CSTF1: variants seen among roughly 807,000 people sequenced by gnomAD.
CSTF1 encodes the protein CF-1 50 kDa subunit.
In CSTF1, 2 loss-of-function variants were observed where a neutral mutation model predicts 40.9. That is an observed-to-expected ratio of 0.05 (90% CI 0.02 to 0.15). CSTF1 has a LOEUF of 0.15. CSTF1 is among the 10% of genes least tolerant of loss of function. The pLI is 1.00. For missense variants in CSTF1, 279 were observed against 558.9 expected (o/e 0.50, Z 5.05); for synonymous variants, 218 against 207.2 (o/e 1.05, Z -0.45).
rs994034407 is a variant in CSTF1, at chr20:56,399,883, A to T, written c.1036+526A>T. On this transcript the variant is annotated intron_variant, in intron 5 of 5. Coordinates refer to ENST00000217109, the MANE Select transcript of CSTF1 (RefSeq NM_001324.3). This position sits in a 1 kb window ranked among gnomAD's most constrained non-coding sequence, Gnocchi z 4.6. ...GCATCCACTGAATTCTCATTTATGT[A>T]TGTTGGTCTCATTGGTAACAGTAGT... 6.6e-6 allele frequency among the ~76,000 whole-genome samples: 1 copy of T among 152,214 alleles called. No homozygotes were observed.
rs573328904 is a variant in CSTF1 at position 56,404,282 on chromosome 20, T to C, written c.*555T>C. The C allele has an allele frequency of 6.6e-6, 1 of 152,534 alleles. No individual in the cohort carries two copies. Among genetic ancestry groups the C allele is most frequent in the Non-Finnish European group, 1.5e-5 (1 of 68,196 alleles). The allele number at this position is 152,534 out of a possible 1,614,324, so 9.4% of individuals were successfully genotyped here. ...TTTATTGTTATATATTTTTCACTTC[T>C]GTAAAATTAATGGCCAGTTTTTCCT... On this transcript the variant is annotated 3_prime_UTR_variant, in exon 6 of 6. Transcript: ENST00000217109.
intron 5 of CSTF1, 52 bp from the exon 6 acceptor site, chr20:56,403,416 G>C: frequency 1.2e-6 from 2 of 1,602,972 alleles, no homozygotes; most frequent in South Asian, 1.1e-5. Flanking sequence ...AGAACGTTCT[G>C]AGGGTCTAAG....
chr20:56,397,522 GT>G lies in CSTF1; in HGVS notation c.447+43del. Reference sequence around the variant, plus strand: ...GTCACATACTTATTGATTGCCTTCTGTTTTTCATTTTTGGAAAAATGAGAGT... The same window carrying G: ...GTCACATACTTATTGATTGCCTTCTGTTTTCATTTTTGGAAAAATGAGAGT... On this transcript the variant is annotated intron_variant, in intron 3 of 5. Transcript: ENST00000217109. This position sits in a 1 kb window ranked among gnomAD's most constrained non-coding sequence, Gnocchi z 4.4. 6.2e-7 allele frequency: 1 copy of G among 1,604,696 alleles called. No individual in the cohort carries two copies. The highest frequency in any genetic ancestry group is 8.5e-7 in the Non-Finnish European group (1 of 1,174,498).
rs117909956 is a variant in CSTF1, at chr20:56,399,829, A to G, written c.1036+472A>G. ...CCACGTTAATTCTGAATGCAGATATAAAGTAGGCTCAGCAGACAGAAAAAA... is the reference window on the plus strand; with the variant it reads ...CCACGTTAATTCTGAATGCAGATATGAAGTAGGCTCAGCAGACAGAAAAAA... On this transcript the variant is annotated intron_variant, in intron 5 of 5. Coordinates refer to ENST00000217109, the MANE Select transcript of CSTF1 (RefSeq NM_001324.3). The surrounding 1 kb of genome is among the most constrained non-coding windows in gnomAD (Gnocchi z 4.6). Among the ~76,000 whole-genome samples, 23 of 152,364 alleles carry G rather than the reference A, an allele frequency of 1.5e-4. No individual in the cohort carries two copies. Among genetic ancestry groups the G allele is most frequent in the Middle Eastern group, 3.4e-3 (1 of 294 alleles).
In CSTF1 at chr20:56,399,415, C is replaced by T; in HGVS notation, c.1036+58C>T. 2 of 1,454,434 alleles carry T rather than the reference C, an allele frequency of 1.4e-6. No homozygotes were observed. The highest frequency in any genetic ancestry group is 1.3e-5 in the South Asian group (1 of 79,132). 90.1% of individuals were successfully genotyped at this position (1,454,434 alleles called of 1,614,324 possible). A position where few individuals can be genotyped will look rare whatever the true frequency, so the allele number is the denominator to read the frequency against. On this transcript the variant is annotated intron_variant, in intron 5 of 5. Coordinates refer to ENST00000217109, the MANE Select transcript of CSTF1 (RefSeq NM_001324.3). The surrounding 1 kb of genome is among the most constrained non-coding windows in gnomAD (Gnocchi z 4.6). Reference sequence around the variant, plus strand: ...TGTAGTGTTTACACTTTCCAGAACTCTCTTTTAAGACCTCACAATAGAGCA... The same window carrying T: ...TGTAGTGTTTACACTTTCCAGAACTTTCTTTTAAGACCTCACAATAGAGCA...
rs759346072 is a variant in CSTF1, at chr20:56,397,607, C to T, written c.448-37C>T. 3 of 1,605,964 alleles carry T rather than the reference C, an allele frequency of 1.9e-6. No homozygotes were observed. The highest frequency in any genetic ancestry group is 8.5e-7 in the Non-Finnish European group (1 of 1,172,738). The stretch of plus-strand genomic sequence containing the variant: ...TGGATTGTGCACTTGGATTCAGACA[C>T]ATTCTGTGCCTTGAGCATCTCTTCT... On this transcript the variant is annotated intron_variant, in intron 3 of 5. Transcript: ENST00000217109. The surrounding 1 kb of genome is among the most constrained non-coding windows in gnomAD (Gnocchi z 4.4).
At chr20:56,398,277 A>G (rs1390287799) in intron 4 of CSTF1, among the ~76,000 whole-genome samples, 1 of 152,220 alleles carries the variant, frequency 6.6e-6, no homozygotes, top group African/African-American at 2.4e-5. Context: ...TCTGTTTGAT[A>G]ATTAAACTAG....
intron 5 of CSTF1, 134 bp from the exon 6 acceptor site, chr20:56,403,334 T>C: frequency 9.2e-7 from 1 of 1,088,582 alleles, no homozygotes; most frequent in Non-Finnish European, 1.3e-6. Flanking sequence ...TTTTTTGTAC[T>C]TTTTTAGAGT....
At chr20:56,398,524 C>T (rs1235273721) in intron 4 of CSTF1, among the ~76,000 whole-genome samples, 2 of 152,200 alleles carry the variant, frequency 1.3e-5, no homozygotes, top group African/African-American at 4.8e-5. Flanking sequence ...TGAGCTGTGA[C>T]CATGCCGCTG....
Position 56,397,824 on chromosome 20 carries a change from G to T in CSTF1, c.628G>T (p.Ala210Ser). ...TTATTCCAAACCATCAGCAAAAAGA[G>T]CCTTCAAATACATTCAGGTAGGAAT... is the stretch of plus-strand genomic sequence containing the variant. ...FDYSKPSAKR[A>S]FKYIQEAEML... The change falls in exon 4 of 6, where the codon GCC becomes TCC. Residue 210 changes from alanine to serine, a missense_variant. Ala to Ser is a moderately conservative substitution (Grantham distance 99). This residue lies in a region of CSTF1 where 162 missense variants were observed against 337.1 expected (regional missense o/e 0.48). Transcript: ENST00000217109. This position sits in a 1 kb window ranked among gnomAD's most constrained non-coding sequence, Gnocchi z 4.4. 6.2e-7 allele frequency: 1 copy of T among 1,612,604 alleles called. No individual in the cohort carries two copies. Among genetic ancestry groups the T allele is most frequent in the Non-Finnish European group, 8.5e-7 (1 of 1,178,774 alleles).
rs1978582408 is a variant in CSTF1 at position 56,403,795 on chromosome 20, A to C, written c.*68A>C. 6.6e-7 allele frequency: 1 copy of C among 1,504,528 alleles called. No individual in the cohort carries two copies. The highest frequency in any genetic ancestry group is 1.2e-5 in the South Asian group (1 of 80,804). 93.2% of individuals were successfully genotyped at this position (1,504,528 alleles called of 1,614,324 possible). ...CTCCCCCACGTCCTGTCTCAGCTGC[A>C]GTCGTAAGTCCGTGCACCATCCTTG... On this transcript the variant is annotated 3_prime_UTR_variant, in exon 6 of 6. Coordinates refer to ENST00000217109, the MANE Select transcript of CSTF1 (RefSeq NM_001324.3).
At position 56,397,823 on chromosome 20, in the gene CSTF1, A is replaced by G; in HGVS notation, c.627A>G (p.Arg209=). ...LFDYSKPSAK[R]AFKYIQEAEM... Reference sequence around the variant, plus strand: ...ATTATTCCAAACCATCAGCAAAAAGAGCCTTCAAATACATTCAGGTAGGAA... The same window carrying G: ...ATTATTCCAAACCATCAGCAAAAAGGGCCTTCAAATACATTCAGGTAGGAA... Residue 209 remains arginine (R), a synonymous_variant, in exon 4 of 6, where the codon AGA becomes AGG. Coordinates refer to ENST00000217109, the MANE Select transcript of CSTF1 (RefSeq NM_001324.3). This position sits in a 1 kb window ranked among gnomAD's most constrained non-coding sequence, Gnocchi z 4.4. The G allele has an allele frequency of 6.2e-7, 1 of 1,613,128 alleles. No homozygotes were observed. Among genetic ancestry groups the G allele is most frequent in the Non-Finnish European group, 8.5e-7 (1 of 1,179,144 alleles).
chr20:56,399,315 C>G lies in CSTF1; in HGVS notation c.994C>G (p.Leu332Val), dbSNP rs747867658. Residue 332 changes from leucine (L) to valine (V), a missense_variant, in exon 5 of 6, where the codon CTT (leucine) becomes GTT (valine). By Grantham distance (32) the Leu-to-Val change is conservative. Transcript: ENST00000217109. The surrounding 1 kb of genome is among the most constrained non-coding windows in gnomAD (Gnocchi z 4.6). ...AAGTGGAAAAGACTCTGTAGCTAAA[C>G]TTTGGGAAATATCAACGGGACGAAC... ...LSSGKDSVAK[L>V]WEISTGRTLV... 6.2e-7 allele frequency: 1 copy of G among 1,613,752 alleles called. No homozygotes were observed. Among genetic ancestry groups the G allele is most frequent in the South Asian group, 1.1e-5 (1 of 91,084 alleles).
intron 5 of CSTF1, among the ~76,000 whole-genome samples, chr20:56,403,077 T>G (rs1345906417): frequency 6.6e-6 from 1 of 152,140 alleles, no homozygotes; most frequent in African/African-American, 2.4e-5. Context: ...AAAAATATAG[T>G]GGCAACAATT....
intron 5 of CSTF1, among the ~76,000 whole-genome samples, chr20:56,401,743 A>G (rs1000827368): frequency 9.2e-5 from 14 of 152,212 alleles, no homozygotes; most frequent in Non-Finnish European, 1.8e-4. Flanking sequence ...ACATGGGCTG[A>G]GCACTCGCAC....
chr20:56,397,776 G>C lies in CSTF1; in HGVS notation c.580G>C (p.Asp194His). Residue 194 changes from aspartate to histidine, a missense_variant, in exon 4 of 6, where the codon GAT becomes CAT. Transcript: ENST00000217109. This position sits in a 1 kb window ranked among gnomAD's most constrained non-coding sequence, Gnocchi z 4.4. ...ACAGATCCTGGCTTCTGGTTCAAGG[G>C]ATTATACTCTTAAATTATTTGATTA... ...TEQILASGSR[D>H]YTLKLFDYSK... is the part of the protein sequence containing the mutation. 1 of 1,614,110 alleles carries C rather than the reference G, an allele frequency of 6.2e-7. No individual in the cohort carries two copies. The highest frequency in any genetic ancestry group is 1.1e-5 in the South Asian group (1 of 91,088).
chr20:56,399,607 A>G lies in CSTF1; in HGVS notation c.1036+250A>G, dbSNP rs1978367431. Among the ~76,000 whole-genome samples the G allele has an allele frequency of 6.6e-6, 1 of 152,220 alleles. No homozygotes were observed. The highest frequency in any genetic ancestry group is 1.5e-5 in the Non-Finnish European group (1 of 68,040). ...ACACCGTGGACTAGGGCTGGATTCCATGCAAGTAACATTTGAGAACCTGGT... is the reference window on the plus strand; with the variant it reads ...ACACCGTGGACTAGGGCTGGATTCCGTGCAAGTAACATTTGAGAACCTGGT... On this transcript the variant is annotated intron_variant, in intron 5 of 5. Transcript: ENST00000217109. This position sits in a 1 kb window ranked among gnomAD's most constrained non-coding sequence, Gnocchi z 4.6.
Position 56,403,728 on chromosome 20 carries a change from G to A in CSTF1, c.*1G>A, listed in dbSNP as rs759604263. The A allele has an allele frequency of 6.2e-6, 10 of 1,610,402 alleles. No individual in the cohort carries two copies. In the East Asian group the frequency reaches 1.8e-4, roughly 29 times the overall value. ...GTACCGGAGATCGACCACTGACTGA[G>A]CCACCCTCTCCGTAGGGTTCTTTCT... On this transcript the variant is annotated 3_prime_UTR_variant, in exon 6 of 6. Transcript: ENST00000217109.
intron 2 of CSTF1, chr20:56,396,907 T>A: frequency 3.5e-6 from 1 of 287,592 alleles, no homozygotes; most frequent in Admixed American, 4.7e-5. Context: ...ACAGAACTGC[T>A]ATTTTTTGAG....
Sources: allele counts gnomAD v4.1 joint callset (sites outside exome capture counted in the v4.1 genomes callset), GRCh38; gene constraint gnomAD v4.1.1; regional missense constraint gnomAD v4.1.1; non-coding constraint Gnocchi (gnomAD v3.1); transcripts MANE v1.5; gene names NCBI Gene and HGNC (gene_info 2026-07-23, HGNC 2026-07-21).